The following AARSD1 variants were observed in gnomAD, a reference collection of about 807,000 sequenced individuals.
AARSD1 encodes alanyl-tRNA editing protein Aarsd1.
In AARSD1, 44 loss-of-function variants were observed where a neutral mutation model predicts 48.7. The ratio of observed to expected loss-of-function variants is 0.90; its 90% CI spans 0.71 to 1.16. The LOEUF is 1.16. Ranked by LOEUF, AARSD1 falls within the 50% of genes most tolerant of loss-of-function variation. The probability of loss-of-function intolerance (pLI) is 0.00; values close to 1 mark genes in which losing one functional copy is unlikely to be tolerated. For synonymous variants in AARSD1, 189 were observed against 194.9 expected (o/e 0.97, Z 0.25); for missense variants, 511 against 523.1 (o/e 0.98, Z 0.23).
intron 11 of AARSD1, 62 bp from the exon 12 acceptor site, chr17:42,950,790 C>T: frequency 6.4e-7 from 1 of 1,560,416 alleles, no homozygotes. Context: ...AAAACAAGGG[C>T]AGCTCTGAGT....
chr17:42,956,629 T>C, intron 4 of AARSD1, 69 bp from the exon 5 acceptor site: 1 of 777,784 alleles, frequency 1.3e-6, no homozygotes, highest in Non-Finnish European at 1.9e-6. Context: ...GCTTTTCCTC[T>C]AAAAACTGGA....
At chr17:42,963,094 T>TC (rs1238810013) in intron 2 of AARSD1, among the ~76,000 whole-genome samples, 1 of 151,622 alleles carries the variant, frequency 6.6e-6, no homozygotes, top group East Asian at 2.0e-4. Flanking sequence ...CTTTTTTTTT[T>TC]CTTTTGAGAC....
intron 4 of AARSD1, 59 bp downstream of exon 4, chr17:42,957,079 G>A (rs556979705): frequency 1.5e-5 from 23 of 1,533,614 alleles, no homozygotes; most frequent in South Asian, 4.6e-5. Flanking sequence ...TCCCACCTCC[G>A]CCTCCCTCCC....
Position 42,955,211 on chromosome 17 carries a change from C to T in AARSD1, c.808G>A (p.Asp270Asn), listed in dbSNP as rs564793081. ...LTALLKCGAEDHVEAVKKLQN... is the reference protein window; with the variant it reads ...LTALLKCGAENHVEAVKKLQN... ...AGCTTTTTCACTGCTTCCACATGAT[C>T]CTCTGCTCCACACCTGAAAGAGAAA... The change falls in exon 8 of 12, where the codon GAT becomes AAT. Residue 270 changes from aspartate to asparagine, a missense_variant. Transcript: ENST00000427569. 2.4e-5 allele frequency: 39 copies of T among 1,614,050 alleles called. No homozygotes were observed. The South Asian group carries it at 4.2e-4, about 17-fold the overall frequency.
intron 3 of AARSD1, 47 bp from the exon 4 acceptor site, chr17:42,957,242 A>G (rs751621343): frequency 6.2e-7 from 1 of 1,606,146 alleles, no homozygotes; most frequent in South Asian, 1.1e-5. Context: ...AAGCCTACAT[A>G]CTCCCACAAT....
Position 42,951,844 on chromosome 17 carries a change from G to C in AARSD1, c.1059C>G (p.Phe353Leu). The C allele has an allele frequency of 6.2e-7, 1 of 1,614,170 alleles. No individual in the cohort carries two copies. The highest frequency in any genetic ancestry group is 2.2e-5 in the East Asian group (1 of 44,880). The stretch of plus-strand genomic sequence containing the variant: ...CAGACGCAGGTGGCCCTGCCAGTAA[G>C]AAGAGTCCACCACCTTTCTCATCGC... ...TVGDEKGGGLFLLAGPPASVE... is the reference protein window; with the variant it reads ...TVGDEKGGGLLLLAGPPASVE... The change falls in exon 11 of 12, where the codon TTC (phenylalanine) becomes TTG (leucine). Residue 353 changes from phenylalanine (F) to leucine (L), a missense_variant. Coordinates refer to ENST00000427569, the MANE Select transcript of AARSD1 (RefSeq NM_001261434.2).
At position 42,956,464 on chromosome 17, in the gene AARSD1, G is replaced by A; in HGVS notation, c.486C>T (p.Ile162=). The part of the protein sequence containing the change: ...AAIEQSVNEK[I]RDRLPVNVRE... Reference sequence around the variant, plus strand: ...GGACATTCACAGGCAGCCGATCTCTGATTTTTTCATTGACGCTCTGCTCAA... The same window carrying A: ...GGACATTCACAGGCAGCCGATCTCTAATTTTTTCATTGACGCTCTGCTCAA... Residue 162 remains isoleucine (I), a synonymous_variant, in exon 5 of 12, where the codon ATC becomes ATT. Coordinates refer to ENST00000427569, the MANE Select transcript of AARSD1 (RefSeq NM_001261434.2). The A allele has an allele frequency of 6.2e-7, 1 of 1,614,012 alleles. No homozygotes were observed. Among genetic ancestry groups the A allele is most frequent in the African/African-American group, 1.3e-5 (1 of 75,004 alleles).
At chr17:42,955,370 G>A in intron 7 of AARSD1, 146 bp from the exon 8 acceptor site, 1 of 902,538 alleles carries the variant, frequency 1.1e-6, no homozygotes, top group Non-Finnish European at 1.6e-6. Flanking sequence ...TTAGGCAACT[G>A]GGAGAAAACA....
chr17:42,954,202 A>G, intron 9 of AARSD1: 1 of 192,440 alleles, frequency 5.2e-6, no homozygotes, highest in South Asian at 1.1e-4. Context: ...AAAAATACAA[A>G]AGTTAGCCTG....
At position 42,951,854 on chromosome 17, in the gene AARSD1, C is replaced by A. The variant is rs144615663; in HGVS notation, c.1049G>T (p.Gly350Val). The A allele has an allele frequency of 5.9e-5, 95 of 1,614,052 alleles. No individual in the cohort carries two copies. The highest frequency in any genetic ancestry group is 5.8e-5 in the Non-Finnish European group (68 of 1,180,040). The change falls in exon 11 of 12, where the codon GGT (glycine) becomes GTT (valine). Residue 350 changes from glycine to valine, a missense_variant. Coordinates refer to ENST00000427569, the MANE Select transcript of AARSD1 (RefSeq NM_001261434.2). ...LFLTVGDEKG[G>V]GLFLLAGPPA... ...TGGCCCTGCCAGTAAGAAGAGTCCA[C>A]CACCTTTCTCATCGCCCACAGTTAA...
chr17:42,955,233 G>C lies in AARSD1; in HGVS notation c.795-9C>G, dbSNP rs2049531808. 7.4e-6 allele frequency: 12 copies of C among 1,613,854 alleles called. No individual in the cohort carries two copies. The highest frequency in any genetic ancestry group is 1.0e-5 in the Non-Finnish European group (12 of 1,179,972). Reference sequence around the variant, plus strand: ...GATCCTCTGCTCCACACCTGAAAGAGAAAGGTCAGAGGAGACCTGCGCAGC... The same window carrying C: ...GATCCTCTGCTCCACACCTGAAAGACAAAGGTCAGAGGAGACCTGCGCAGC... On this transcript the variant is annotated splice_polypyrimidine_tract_variant and intron_variant, in intron 7 of 11. Coordinates refer to ENST00000427569, the MANE Select transcript of AARSD1 (RefSeq NM_001261434.2).
chr17:42,955,783 G>T, intron 7 of AARSD1, 59 bp downstream of exon 7: 2 of 1,608,402 alleles, frequency 1.2e-6, no homozygotes, highest in South Asian at 2.2e-5. Context: ...CCAGAGGTAA[G>T]AGATTATGTC....
In AARSD1 at chr17:42,956,579, C is replaced by T. The variant is rs895908170; in HGVS notation, c.390-19G>A. On this transcript the variant is annotated intron_variant, in intron 4 of 11. Transcript: ENST00000427569. ...TAACTCCCTGTCAGAAGTACAGTGG[C>T]CACAGATAACATATCTTACTGAACA... is the stretch of plus-strand genomic sequence containing the variant. The T allele has an allele frequency of 5.6e-6, 9 of 1,593,194 alleles. No homozygotes were observed. The highest frequency in any genetic ancestry group is 2.2e-5 in the East Asian group (1 of 44,620).
At chr17:42,956,615 G>GA in intron 4 of AARSD1, 55 bp from the exon 5 acceptor site, 3 of 1,298,006 alleles carry the variant, frequency 2.3e-6, no homozygotes, top group Non-Finnish European at 3.0e-6. Context: ...AGAAAAAGCT[G>GA]AAAGCTTTTC....
At chr17:42,955,068 A>G in intron 8 of AARSD1, 90 bp downstream of exon 8, 1 of 1,611,596 alleles carries the variant, frequency 6.2e-7, no homozygotes. Context: ...ACTTTGACAA[A>G]CTACACATCT....
intron 3 of AARSD1, among the ~76,000 whole-genome samples, chr17:42,958,604 T>A (rs907429444): frequency 6.6e-6 from 1 of 151,570 alleles, no homozygotes; most frequent in Admixed American, 6.6e-5. Flanking sequence ...GGAGTATCGC[T>A]CTGTCACCCA....
chr17:42,953,848 C>A, intron 9 of AARSD1, 70 bp from the exon 10 acceptor site: 1 of 1,601,682 alleles, frequency 6.2e-7, no homozygotes, highest in South Asian at 1.1e-5. Context: ...AAGCCTGGCC[C>A]CTCCTTCTGA....
At chr17:42,954,220 G>A (rs2049515798) in intron 9 of AARSD1, 1 of 191,772 alleles carries the variant, frequency 5.2e-6, no homozygotes, top group Admixed American at 5.3e-5. Context: ...CTGGTGTGGT[G>A]GCACATGCCT....
chr17:42,953,076 C>T (rs2049500764), intron 10 of AARSD1, among the ~76,000 whole-genome samples: 1 of 152,130 alleles, frequency 6.6e-6, no homozygotes, highest in African/African-American at 2.4e-5. Context: ...GCCTACCAGG[C>T]TCAAGAGATT....
Sources: gnomAD v4.1 joint callset for allele counts (sites outside exome capture counted in the v4.1 genomes callset) on GRCh38, gnomAD v4.1.1 for gene constraint, MANE v1.5 for transcripts, NCBI Gene and HGNC (gene_info 2026-07-23, HGNC 2026-07-21) for gene names.